CDH23: variants seen among roughly 807,000 people sequenced by gnomAD.
The protein encoded by CDH23 is cadherin related 23, also known as cadherin-23.
In CDH23, 189 loss-of-function variants were observed where a neutral mutation model predicts 317.1. That is an observed-to-expected ratio of 0.60 (90% confidence interval 0.53 to 0.67). The LOEUF (loss-of-function observed/expected upper bound fraction) is 0.67. Among genes scored for constraint, CDH23 ranks in the 30% least tolerant of loss-of-function variants. The probability of loss-of-function intolerance (pLI) is 0.00; values close to 1 mark genes in which losing one functional copy is unlikely to be tolerated. For synonymous variants in CDH23, 1,839 were observed against 1,876.8 expected (o/e 0.98, Z 0.52); for missense variants, 4,401 against 4,592.4 (o/e 0.96, Z 1.20).
intron 3 of CDH23, among the ~76,000 whole-genome samples, chr10:71,487,425 A>C (rs1478343126): frequency 1.3e-5 from 2 of 152,186 alleles, no homozygotes; most frequent in African/African-American, 4.8e-5. Flanking sequence ...ATGCACATAC[A>C]TACTTGCTTA....
chr10:71,576,142 G>A (rs1039384506), intron 8 of CDH23, among the ~76,000 whole-genome samples: 2 of 152,318 alleles, frequency 1.3e-5, no homozygotes, highest in East Asian at 3.9e-4. Flanking sequence ...CACTTTTGTC[G>A]CCAGGTCTCC....
chr10:71,730,269 T>C (rs1261657176), intron 30 of CDH23, among the ~76,000 whole-genome samples, 200 bp from the exon 31 acceptor site: 1 of 152,182 alleles, frequency 6.6e-6, no homozygotes, highest in Admixed American at 6.5e-5. Context: ...AAACAAGTAA[T>C]GTTTGAGCAC....
chr10:71,796,033 G>T, intron 48 of CDH23: 1 of 987,022 alleles, frequency 1.0e-6, no homozygotes, highest in Non-Finnish European at 1.2e-6. Flanking sequence ...GGGACAGGGA[G>T]CGAGAGTAGG....
intron 55 of CDH23, among the ~76,000 whole-genome samples, chr10:71,804,596 G>T (rs2132981103): frequency 6.6e-6 from 1 of 152,300 alleles, no homozygotes; most frequent in South Asian, 2.1e-4. Flanking sequence ...GAAGCGTTGT[G>T]CCTTTACCAG....
chr10:71,755,293 C>G, intron 38 of CDH23: 1 of 1,417,048 alleles, frequency 7.1e-7, no homozygotes, highest in South Asian at 1.2e-5. Flanking sequence ...ATCCCAGGGG[C>G]TGAACTGGGG....
At chr10:71,551,152 C>T (rs1189187379) in intron 6 of CDH23, among the ~76,000 whole-genome samples, 4 of 152,244 alleles carry the variant, frequency 2.6e-5, no homozygotes, top group Non-Finnish European at 4.4e-5. Flanking sequence ...GGACTTCCGT[C>T]GAAATTCCGC....
Position 71,643,859 on chromosome 10 carries a change from A to C in CDH23, c.1135-2A>C. ...CTTTGACTGACCGACTCCCATTGACAGAATTTGGTAAGTGAGCCTCTGAAG... is the reference window on the plus strand; with the variant it reads ...CTTTGACTGACCGACTCCCATTGACCGAATTTGGTAAGTGAGCCTCTGAAG... On this transcript the variant is annotated splice_acceptor_variant, in intron 11 of 69. Coordinates refer to ENST00000224721, the MANE Select transcript of CDH23 (RefSeq NM_022124.6). LOFTEE classifies it high-confidence loss of function. 1.3e-6 allele frequency: 1 copy of C among 766,006 alleles called. No homozygotes were observed. Among genetic ancestry groups the C allele is most frequent in the Non-Finnish European group, 2.4e-6 (1 of 417,732 alleles). The allele number at this position is 766,006 out of a possible 1,614,324, so 47.5% of individuals were successfully genotyped here. A position where few individuals can be genotyped will look rare whatever the true frequency, so the allele number is the denominator to read the frequency against.
In CDH23 at chr10:71,684,701, C is replaced by T. The variant is rs76705895; in HGVS notation, c.1986+2129C>T. Among the ~76,000 whole-genome samples, 958 of 152,360 alleles carry T rather than the reference C, an allele frequency of 6.3e-3. 9 individuals carry two copies. The highest frequency in any genetic ancestry group is 0.022 in the African/African-American group (919 of 41,582). ...TGACAGCCATGCATAGCAGCAGCCG[C>T]ACCCATGCCCCAGCCTGTCGCTAGT... On this transcript the variant is annotated intron_variant, in intron 18 of 69. Transcript: ENST00000224721.
At chr10:71,577,843 T>C (rs1474665479) in intron 8 of CDH23, 71 bp from the exon 9 acceptor site, 3 of 1,315,076 alleles carry the variant, frequency 2.3e-6, no homozygotes, top group Non-Finnish European at 3.2e-6. Context: ...AAGCTGTGGG[T>C]GCCATGATAG....
chr10:71,440,161 G>C (rs1366777929), intron 2 of CDH23, among the ~76,000 whole-genome samples: 1 of 152,208 alleles, frequency 6.6e-6, no homozygotes, highest in Admixed American at 6.5e-5. Context: ...AGCTCTAAGG[G>C]AAGGAGGCAC....
intron 53 of CDH23, among the ~76,000 whole-genome samples, chr10:71,801,172 T>TTTGG (rs869082174): frequency 8.3e-6 from 1 of 120,982 alleles, no homozygotes; most frequent in South Asian, 2.8e-4. Flanking sequence ...TTTTTTTTTT[T>TTTGG]GAGATGGAGT....
In CDH23 at chr10:71,807,672, A is replaced by G. The variant is rs373155603; in HGVS notation, c.8465A>G (p.Asp2822Gly). ...CCCCGTGGACCCTCCCCAACCCTCG[A>G]CCTGGTTGCTGACCTCACACTGCAG... The part of the protein sequence containing the change: ...TPPRGPSPTL[D>G]LVADLTLQEV... The change falls in exon 59 of 70, where the codon GAC becomes GGC. Residue 2822 changes from aspartate to glycine, a missense_variant. Physicochemically the swap from Asp to Gly is moderately conservative, Grantham distance 94. This residue lies in a region of CDH23 where 1,144 missense variants were observed against 1,138.2 expected (regional missense o/e 1.01). Transcript: ENST00000224721. 31 of 1,613,830 alleles carry G rather than the reference A, an allele frequency of 1.9e-5. No individual in the cohort carries two copies. The African/African-American group carries it at 3.7e-4, about 19-fold the overall frequency.
At chr10:71,758,534 C>A (rs1021953134) in intron 38 of CDH23, among the ~76,000 whole-genome samples, 2 of 152,206 alleles carry the variant, frequency 1.3e-5, no homozygotes, top group African/African-American at 4.8e-5. Flanking sequence ...CTCTGGCAAG[C>A]ACCGGGGGGC....
intron 9 of CDH23, among the ~76,000 whole-genome samples, chr10:71,590,877 AAAAAAAAAAC>A (rs1237502559): frequency 4.9e-4 from 60 of 122,942 alleles, no homozygotes; most frequent in Admixed American, 1.8e-3. Flanking sequence ...TGTCTCTAAA[AAAAAAAAAAC>A]AAAAAAAAAC....
At chr10:71,495,777 G>A (rs1221594723) in intron 3 of CDH23, among the ~76,000 whole-genome samples, 1 of 150,534 alleles carries the variant, frequency 6.6e-6, no homozygotes, top group Admixed American at 6.6e-5. Context: ...TTATGATTGT[G>A]CCACTGCACC....
chr10:71,456,165 G>T, intron 3 of CDH23, among the ~76,000 whole-genome samples: 1 of 151,004 alleles, frequency 6.6e-6, no homozygotes, highest in Admixed American at 6.6e-5. Context: ...GCTTCCTGGG[G>T]CTGTTGGCAA....
chr10:71,759,916 T>C (rs1360687014), intron 38 of CDH23, among the ~76,000 whole-genome samples: 357 of 31,726 alleles, frequency 0.011, 17 homozygotes, highest in South Asian at 0.017. Context: ...CACACACACA[T>C]ATATACACAC....
intron 3 of CDH23, among the ~76,000 whole-genome samples, chr10:71,464,215 G>C (rs959075625): frequency 9.2e-5 from 14 of 152,178 alleles, no homozygotes; most frequent in Admixed American, 7.9e-4. Context: ...AGTAATAGCA[G>C]CACCTGGTTA....
intron 3 of CDH23, among the ~76,000 whole-genome samples, chr10:71,470,246 G>A (rs1167133493): frequency 1.3e-5 from 2 of 152,172 alleles, no homozygotes; most frequent in Non-Finnish European, 2.9e-5. Flanking sequence ...CCAGCATGTG[G>A]CATGAGAGGC....
Sources: allele counts gnomAD v4.1 joint callset (sites outside exome capture counted in the v4.1 genomes callset), GRCh38; gene constraint gnomAD v4.1.1; regional missense constraint gnomAD v4.1.1; transcripts MANE v1.5; gene names NCBI Gene and HGNC (gene_info 2026-07-23, HGNC 2026-07-21).